The following NXT1 variants were observed in gnomAD, a reference collection of about 807,000 sequenced individuals.
NXT1 encodes NTF2-related export protein 1.
Under a neutral mutation model 9.9 loss-of-function variants are expected in NXT1, and 3 were observed. The ratio of observed to expected loss-of-function variants is 0.30; its 90% CI spans 0.14 to 0.79. The LOEUF (loss-of-function observed/expected upper bound fraction) is 0.79, where lower values mean the gene tolerates loss of function less well. NXT1 is among the 30% of genes least tolerant of loss of function. The pLI is 0.63. For missense variants in NXT1, 91 were observed against 178.2 expected (o/e 0.51, Z 2.79); for synonymous variants, 53 against 66.5 (o/e 0.80, Z 0.99).
intron 1 of NXT1, among the ~76,000 whole-genome samples, chr20:23,352,578 A>G (rs765182272): frequency 4.1e-4 from 62 of 152,154 alleles, no homozygotes; most frequent in Admixed American, 1.6e-3. Context: ...AGTATAAACT[A>G]TTTTAGTAAT....
chr20:23,353,563 T>G (rs2122996819), intron 1 of NXT1, among the ~76,000 whole-genome samples: 1 of 152,292 alleles, frequency 6.6e-6, no homozygotes, highest in East Asian at 1.9e-4. Flanking sequence ...GGTGTTGCAG[T>G]GAGCCGAGGT....
intron 1 of NXT1, among the ~76,000 whole-genome samples, chr20:23,352,970 T>C (rs1980315233): frequency 6.6e-6 from 1 of 152,220 alleles, no homozygotes; most frequent in South Asian, 2.1e-4. Flanking sequence ...TTTGTGTTTC[T>C]ACCCTCTTAA....
chr20:23,352,141 A>G (rs1980283676), intron 1 of NXT1, among the ~76,000 whole-genome samples: 1 of 152,218 alleles, frequency 6.6e-6, no homozygotes, highest in African/African-American at 2.4e-5. Context: ...TAGGTATTAT[A>G]AGTTACCTAC....
intron 1 of NXT1, among the ~76,000 whole-genome samples, chr20:23,352,612 CT>C (rs76787707): frequency 0.074 from 11,287 of 151,798 alleles, 644 homozygotes; most frequent in East Asian, 0.29. Flanking sequence ...GTAATGTCCT[CT>C]TTTTTTTAAG....
chr20:23,351,697 A>G (rs1005407639), intron 1 of NXT1, among the ~76,000 whole-genome samples: 3 of 152,098 alleles, frequency 2.0e-5, no homozygotes, highest in Non-Finnish European at 4.4e-5. Context: ...CCTGGGAGAA[A>G]ATTCCCACTC....
At position 23,354,608 on chromosome 20, in the gene NXT1, C is replaced by CT. The variant is rs1241848809; in HGVS notation, c.*150dup. 3.4e-5 allele frequency: 31 copies of CT among 912,048 alleles called. No homozygotes were observed. Among genetic ancestry groups the CT allele is most frequent in the Admixed American group, 1.5e-4 (5 of 33,258 alleles). 56.5% of individuals were successfully genotyped at this position (912,048 alleles called of 1,614,324 possible). A position where few individuals can be genotyped will look rare whatever the true frequency, so the allele number is the denominator to read the frequency against. On this transcript the variant is annotated 3_prime_UTR_variant, in exon 2 of 2. Transcript: ENST00000254998. Reference sequence around the variant, plus strand: ...GACTCCACTGTGCCGAGGTTGAACTCTTTTTTGTTGCTCAAGTTCTAGGAG... The same window carrying CT: ...GACTCCACTGTGCCGAGGTTGAACTCTTTTTTTGTTGCTCAAGTTCTAGGAG...
At position 23,350,964 on chromosome 20, in the gene NXT1, C is replaced by T. The variant is rs1980243023; in HGVS notation, c.-159C>T. 1 of 152,148 alleles carries T rather than the reference C, an allele frequency of 6.6e-6. No homozygotes were observed. The highest frequency in any genetic ancestry group is 2.4e-5 in the African/African-American group (1 of 41,430). 9.4% of individuals were successfully genotyped at this position (152,148 alleles called of 1,614,324 possible). ...AGGCTTCGGTGGGCCCACCTTGTGACCTCCGCGGCCGGCCCCTCAGTGGAA... is the reference window on the plus strand; with the variant it reads ...AGGCTTCGGTGGGCCCACCTTGTGATCTCCGCGGCCGGCCCCTCAGTGGAA... On this transcript the variant is annotated 5_prime_UTR_variant, in exon 1 of 2. Transcript: ENST00000254998.
At position 23,354,768 on chromosome 20, in the gene NXT1, T is replaced by G; in HGVS notation, c.*304T>G. The G allele has an allele frequency of 2.8e-6, 1 of 356,162 alleles. No individual in the cohort carries two copies. The allele number at this position is 356,162 out of a possible 1,614,324, so 22.1% of individuals were successfully genotyped here. A position where few individuals can be genotyped will look rare whatever the true frequency, so the allele number is the denominator to read the frequency against. ...ATAATTTAATAATACACATGTTGCT[T>G]CTTTCCCTGTCTGATGTGTTTGACC... On this transcript the variant is annotated 3_prime_UTR_variant, in exon 2 of 2. Coordinates refer to ENST00000254998, the MANE Select transcript of NXT1 (RefSeq NM_013248.3).
intron 1 of NXT1, among the ~76,000 whole-genome samples, chr20:23,351,825 TA>T (rs1980276806): frequency 6.6e-6 from 1 of 152,336 alleles, no homozygotes; most frequent in South Asian, 2.1e-4. Context: ...GGAGTGTACT[TA>T]ACCGTCGTTA....
In NXT1 at chr20:23,350,829, C is replaced by T. The variant is rs1166000382; in HGVS notation, c.-294C>T. ...GACCGGCTGGCCGCGCGCGGGAAGC[C>T]GCGGAACTGCGCCGGAAAGTCCCCC... is the stretch of plus-strand genomic sequence containing the variant. On this transcript the variant is annotated 5_prime_UTR_variant, in exon 1 of 2. Transcript: ENST00000254998. 6.6e-6 allele frequency: 1 copy of T among 152,230 alleles called. No homozygotes were observed. The highest frequency in any genetic ancestry group is 1.5e-5 in the Non-Finnish European group (1 of 68,058). The allele number at this position is 152,230 out of a possible 1,614,324, so 9.4% of individuals were successfully genotyped here.
At chr20:23,351,382 T>G (rs564626660) in intron 1 of NXT1, 24 of 152,400 alleles carry the variant, frequency 1.6e-4, no homozygotes, top group Admixed American at 1.0e-3. Context: ...CTCCGGACAC[T>G]CGACGGTGTG....
At chr20:23,351,116 C>T (rs1294335937) in intron 1 of NXT1, 55 bp downstream of exon 1, 1 of 152,254 alleles carries the variant, frequency 6.6e-6, no homozygotes, top group African/African-American at 2.4e-5. Context: ...AGTGCATACC[C>T]CACGCCCTCC....
chr20:23,352,163 G>T (rs1980285009), intron 1 of NXT1, among the ~76,000 whole-genome samples: 1 of 152,166 alleles, frequency 6.6e-6, no homozygotes, highest in South Asian at 2.1e-4. Flanking sequence ...GATGATGAAG[G>T]TATATAGGAG....
intron 1 of NXT1, among the ~76,000 whole-genome samples, chr20:23,353,367 C>G (rs934616674): frequency 6.6e-6 from 1 of 152,222 alleles, no homozygotes; most frequent in Non-Finnish European, 1.5e-5. Context: ...TGCCTGTAAT[C>G]CCAGCACTTT....
chr20:23,353,280 G>C (rs6076055), intron 1 of NXT1, among the ~76,000 whole-genome samples: 86,687 of 152,110 alleles, frequency 0.57, 26,596 homozygotes, highest in East Asian at 0.88. Flanking sequence ...AGCCCCCCTA[G>C]CCCCACAACA....
chr20:23,353,549 G>A (rs1026645024), intron 1 of NXT1, among the ~76,000 whole-genome samples: 5 of 152,214 alleles, frequency 3.3e-5, no homozygotes, highest in Admixed American at 6.5e-5. Flanking sequence ...GAAGCTGGGA[G>A]GCAGGTGTTG....
At chr20:23,352,337 G>A (rs1274796276) in intron 1 of NXT1, among the ~76,000 whole-genome samples, 1 of 152,164 alleles carries the variant, frequency 6.6e-6, no homozygotes, top group African/African-American at 2.4e-5. Flanking sequence ...TGAGGTCTGT[G>A]GAGGGCGTGG....
At chr20:23,352,676 A>T (rs928185774) in intron 1 of NXT1, among the ~76,000 whole-genome samples, 4 of 152,170 alleles carry the variant, frequency 2.6e-5, no homozygotes, top group African/African-American at 9.7e-5. Context: ...CTGTACCCTG[A>T]AAAAAGTAAA....
intron 1 of NXT1, 147 bp from the exon 2 acceptor site, chr20:23,353,834 A>T (rs1781824904): frequency 1.7e-6 from 1 of 590,616 alleles, no homozygotes; most frequent in Non-Finnish European, 3.0e-6. Flanking sequence ...AGGCATTTTT[A>T]GGCATTGGGT....
Sources: allele counts gnomAD v4.1 joint callset (sites outside exome capture counted in the v4.1 genomes callset), GRCh38; gene constraint gnomAD v4.1.1; transcripts MANE v1.5; gene names NCBI Gene and HGNC (gene_info 2026-07-23, HGNC 2026-07-21).